Variants in MED15 observed in about 807,000 individuals in gnomAD.
MED15 encodes the protein mediator complex subunit 15.
MED15 carries 41 observed loss-of-function variants against 118.7 expected under a neutral mutation model. That is an observed-to-expected ratio of 0.35 (90% CI 0.27 to 0.45). The LOEUF (loss-of-function observed/expected upper bound fraction) is 0.45, where lower values mean the gene tolerates loss of function less well. MED15 is among the 20% of genes least tolerant of loss of function. The pLI, the probability that MED15 is intolerant of heterozygous loss-of-function variation, is 1.00. For missense variants in MED15, 740 were observed against 1,025.5 expected (o/e 0.72, Z 3.80); for synonymous variants, 436 against 413.9 (o/e 1.05, Z -0.65).
intron 5 of MED15, among the ~76,000 whole-genome samples, 158 bp downstream of exon 5, chr22:20,555,306 G>A (rs2146533667): frequency 6.6e-6 from 1 of 152,300 alleles, no homozygotes; most frequent in African/African-American, 2.4e-5. Flanking sequence ...GAGAGAAAAG[G>A]CTTCCAATTT....
chr22:20,517,229 G>A (rs769854212), intron 1 of MED15, among the ~76,000 whole-genome samples: 2 of 151,962 alleles, frequency 1.3e-5, no homozygotes, highest in Non-Finnish European at 1.5e-5. Flanking sequence ...GAGCCACTAC[G>A]CCTGGCCATC....
intron 14 of MED15, 168 bp from the exon 15 acceptor site, chr22:20,584,687 G>C (rs975905412): frequency 1.0e-6 from 1 of 953,728 alleles, no homozygotes; most frequent in Non-Finnish European, 1.6e-6. Flanking sequence ...GGCTGTGGGG[G>C]TGGGGGATTA....
chr22:20,585,460 G>C, intron 16 of MED15, 193 bp downstream of exon 16: 10 of 785,002 alleles, frequency 1.3e-5, no homozygotes, highest in Non-Finnish European at 2.0e-5. Context: ...CACTGCCAGA[G>C]CCCGCACACT....
At chr22:20,534,873 T>C (rs2055003659) in intron 1 of MED15, among the ~76,000 whole-genome samples, 1 of 152,216 alleles carries the variant, frequency 6.6e-6, no homozygotes, top group South Asian at 2.1e-4. Flanking sequence ...CCTTTCTTAC[T>C]TGTCTGTTCC....
chr22:20,507,656 G>T lies in MED15; in HGVS notation c.-23G>T. The T allele has an allele frequency of 6.2e-7, 1 of 1,613,836 alleles. No homozygotes were observed. The highest frequency in any genetic ancestry group is 1.3e-5 in the African/African-American group (1 of 75,060). Reference sequence around the variant, plus strand: ...GCGGTGGCGGCCAAGCGGGATACGGGCGGCGGGAGCTGGGGAACAGGCATG... The same window carrying T: ...GCGGTGGCGGCCAAGCGGGATACGGTCGGCGGGAGCTGGGGAACAGGCATG... On this transcript the variant is annotated 5_prime_UTR_variant, in exon 1 of 18. Transcript: ENST00000263205.
chr22:20,535,499 A>G (rs1601507681), intron 1 of MED15, among the ~76,000 whole-genome samples: 1 of 150,838 alleles, frequency 6.6e-6, no homozygotes, highest in South Asian at 2.1e-4. Context: ...TATTCAATTC[A>G]CTCAGAGGCA....
chr22:20,521,722 A>G (rs1601462119), intron 1 of MED15, among the ~76,000 whole-genome samples: 1 of 116,702 alleles, frequency 8.6e-6, no homozygotes. Context: ...TTATTTATTT[A>G]TTTATTTATT....
At chr22:20,563,307 T>TGTAGACGGTTAAAC (rs2056314077) in intron 5 of MED15, among the ~76,000 whole-genome samples, 3 of 152,192 alleles carry the variant, frequency 2.0e-5, no homozygotes, top group Non-Finnish European at 2.9e-5. Flanking sequence ...ATGTCCTTCA[T>TGTAGACGGTTAAAC]GTAGACGGTT....
intron 9 of MED15, among the ~76,000 whole-genome samples, chr22:20,578,025 A>G (rs1241988453): frequency 6.6e-6 from 1 of 152,076 alleles, no homozygotes; most frequent in East Asian, 1.9e-4. Context: ...CCCAGCTTCA[A>G]GCGATTCTCC....
intron 1 of MED15, among the ~76,000 whole-genome samples, chr22:20,533,964 G>T (rs1240213102): frequency 3.9e-5 from 6 of 152,164 alleles, no homozygotes. Context: ...GACAGTGTCT[G>T]TCTGGGGCCT....
rs555413799 is a variant in MED15, at chr22:20,564,430, C to A, written c.452-20C>A. 1 of 1,612,976 alleles carries A rather than the reference C, an allele frequency of 6.2e-7. No homozygotes were observed. The highest frequency in any genetic ancestry group is 8.5e-7 in the Non-Finnish European group (1 of 1,179,302). ...GGAATCTGCCCTGTGGACTGACTGG[C>A]GACTCTGGTCTTTTCTCAGCCCAGC... On this transcript the variant is annotated intron_variant, in intron 5 of 17. Transcript: ENST00000263205.
intron 8 of MED15, among the ~76,000 whole-genome samples, chr22:20,569,871 T>TG (rs1401752333): frequency 9.9e-5 from 15 of 152,038 alleles, no homozygotes; most frequent in African/African-American, 1.4e-4. Context: ...TCAGGCCTCG[T>TG]GGGGGGGCTC....
intron 1 of MED15, among the ~76,000 whole-genome samples, chr22:20,530,236 G>C (rs991267603): frequency 1.3e-5 from 2 of 152,322 alleles, no homozygotes; most frequent in Non-Finnish European, 2.9e-5. Context: ...TGCACACACA[G>C]GCAGCAATTT....
intron 9 of MED15, among the ~76,000 whole-genome samples, chr22:20,578,624 C>T (rs1483815473): frequency 6.6e-6 from 1 of 152,204 alleles, no homozygotes; most frequent in African/African-American, 2.4e-5. Context: ...ATCTCAGGAA[C>T]GTATCTGTTG....
chr22:20,563,970 A>G (rs1277450438), intron 5 of MED15, among the ~76,000 whole-genome samples: 1 of 152,240 alleles, frequency 6.6e-6, no homozygotes, highest in Admixed American at 6.5e-5. Context: ...AGCAGCGCAA[A>G]TGTTCATCAC....
chr22:20,586,126 A>G (rs1372128860), intron 17 of MED15, among the ~76,000 whole-genome samples: 1 of 152,052 alleles, frequency 6.6e-6, no homozygotes, highest in Non-Finnish European at 1.5e-5. Flanking sequence ...TGGCTCAGGG[A>G]CAGTCCCCGC....
chr22:20,577,233 C>T (rs767779889), intron 9 of MED15, among the ~76,000 whole-genome samples: 1 of 152,200 alleles, frequency 6.6e-6, no homozygotes, highest in African/African-American at 2.4e-5. Flanking sequence ...GGGCTGATGA[C>T]CTGGCTTCTC....
chr22:20,561,247 G>A (rs550409631), intron 5 of MED15, among the ~76,000 whole-genome samples: 24 of 152,268 alleles, frequency 1.6e-4, no homozygotes, highest in African/African-American at 4.8e-4. Flanking sequence ...AAGGCCGGGC[G>A]CGGTGGCTCA....
chr22:20,512,807 A>T (rs2146336877), intron 1 of MED15, among the ~76,000 whole-genome samples: 1 of 136,510 alleles, frequency 7.3e-6, no homozygotes, highest in East Asian at 2.2e-4. Flanking sequence ...CAATGGTGTG[A>T]TCTCGGTTCC....
Sources: allele counts gnomAD v4.1 joint callset (sites outside exome capture counted in the v4.1 genomes callset), GRCh38; gene constraint gnomAD v4.1.1; transcripts MANE v1.5; gene names NCBI Gene and HGNC (gene_info 2026-07-23, HGNC 2026-07-21).